Variants in CTNNA3 observed in about 807,000 individuals in gnomAD.
The protein encoded by CTNNA3 is catenin alpha 3.
A neutral mutation model predicts 95.7 loss-of-function variants in CTNNA3; 76 were observed. The observed-to-expected ratio is 0.79, with a 90% CI of 0.66 to 0.96. CTNNA3 has a LOEUF of 0.96. Among genes scored for constraint, CTNNA3 ranks in the 40% least tolerant of loss-of-function variants. The pLI, the probability that CTNNA3 is intolerant of heterozygous loss-of-function variation, is 0.00. For missense variants in CTNNA3, 1,191 were observed against 1,089.8 expected (o/e 1.09, Z -1.31); for synonymous variants, 431 against 374.4 (o/e 1.15, Z -1.74).
intron 13 of CTNNA3, among the ~76,000 whole-genome samples, chr10:66,257,376 T>C (rs1332464250): frequency 6.6e-6 from 1 of 152,222 alleles, no homozygotes; most frequent in Non-Finnish European, 1.5e-5. Context: ...GCCACTCCCT[T>C]GTAAAATGGA....
chr10:67,554,427 T>C (rs1369311972), intron 3 of CTNNA3, among the ~76,000 whole-genome samples: 3 of 152,234 alleles, frequency 2.0e-5, no homozygotes, highest in Non-Finnish European at 4.4e-5. Flanking sequence ...TGTTGTTTCC[T>C]GACTTTCTAA....
chr10:67,492,245 G>GA (rs371269416), intron 5 of CTNNA3, among the ~76,000 whole-genome samples: 37 of 148,836 alleles, frequency 2.5e-4, no homozygotes, highest in African/African-American at 8.1e-4. Context: ...AAAATTGGGA[G>GA]AAAAAAAAAG....
intron 7 of CTNNA3, among the ~76,000 whole-genome samples, chr10:67,004,087 T>C (rs1851833626): frequency 6.6e-6 from 1 of 151,550 alleles, no homozygotes; most frequent in Non-Finnish European, 1.5e-5. Flanking sequence ...TGCATTTTGA[T>C]GTTAAAAAAA....
intron 7 of CTNNA3, among the ~76,000 whole-genome samples, chr10:66,891,931 G>T (rs892258318): frequency 6.6e-6 from 1 of 151,978 alleles, no homozygotes; most frequent in African/African-American, 2.4e-5. Context: ...CACTAGACTG[G>T]ATATCTAGAA....
At chr10:65,955,201 C>CT (rs2077703632) in intron 17 of CTNNA3, among the ~76,000 whole-genome samples, 1 of 151,922 alleles carries the variant, frequency 6.6e-6, no homozygotes, top group Admixed American at 6.6e-5. Context: ...CTGTTATTGG[C>CT]GTATAGGAAT....
rs1564756387 is a variant in CTNNA3, at chr10:66,199,797, ATATATATATTTTTT to A, written c.1884+80659_1884+80672del. On this transcript the variant is annotated intron_variant, in intron 13 of 17. Coordinates refer to ENST00000433211, the MANE Select transcript of CTNNA3 (RefSeq NM_013266.4). ...TATATATATATATATATATATATAT[ATATATATATTTTTT>A]TTTTTTTTTTTTTTTTTTTTTTAGT... 1.8e-3 allele frequency among the ~76,000 whole-genome samples: 30 copies of A among 16,402 alleles called. 1 individual carries two copies. The highest frequency in any genetic ancestry group is 5.1e-3 in the African/African-American group (30 of 5,874). The allele number at this position is 16,402 out of a possible 152,430, so 10.8% of individuals were successfully genotyped here.
At chr10:67,442,077 G>A (rs886719368) in intron 5 of CTNNA3, among the ~76,000 whole-genome samples, 2 of 152,132 alleles carry the variant, frequency 1.3e-5, no homozygotes, top group Non-Finnish European at 2.9e-5. Flanking sequence ...GCAGGGAGAT[G>A]AAGTTAAAGT....
intron 7 of CTNNA3, among the ~76,000 whole-genome samples, chr10:67,114,709 G>GGTGTGTGTGTGTGTGTGTGT (rs56772381): frequency 0.026 from 3,832 of 144,720 alleles, 82 homozygotes; most frequent in African/African-American, 0.05. Context: ...GGTTCTTAAA[G>GGTGTGTGTGTGTGTGTGTGT]GTGTGTGTGT....
chr10:67,344,283 T>G (rs1358315497), intron 5 of CTNNA3, among the ~76,000 whole-genome samples: 1 of 152,120 alleles, frequency 6.6e-6, no homozygotes, highest in African/African-American at 2.4e-5. Context: ...ATCAGAGATA[T>G]TGGCCTGTAG....
intron 5 of CTNNA3, among the ~76,000 whole-genome samples, chr10:67,310,107 A>T (rs1216488568): frequency 1.3e-5 from 2 of 152,210 alleles, no homozygotes; most frequent in Non-Finnish European, 2.9e-5. Flanking sequence ...GGGTTAAATA[A>T]GTAGGTGGAG....
intron 13 of CTNNA3, among the ~76,000 whole-genome samples, chr10:66,127,768 C>T (rs548253839): frequency 7.2e-5 from 11 of 152,112 alleles, no homozygotes; most frequent in African/African-American, 2.2e-4. Context: ...CATATGGGAA[C>T]GCTATGTTCT....
At chr10:67,104,848 A>C (rs547439736) in intron 7 of CTNNA3, among the ~76,000 whole-genome samples, 6 of 152,180 alleles carry the variant, frequency 3.9e-5, no homozygotes, top group East Asian at 1.9e-4. Context: ...CTAGGCTATA[A>C]ATTTAAAACA....
At chr10:66,403,890 A>G (rs2093038184) in intron 11 of CTNNA3, among the ~76,000 whole-genome samples, 1 of 152,160 alleles carries the variant, frequency 6.6e-6, no homozygotes, top group Non-Finnish European at 1.5e-5. Context: ...AACAAAAATG[A>G]TAATATTCCT....
chr10:66,772,854 A>G (rs1225885218), intron 8 of CTNNA3, among the ~76,000 whole-genome samples: 1 of 152,216 alleles, frequency 6.6e-6, no homozygotes, highest in Admixed American at 6.5e-5. Flanking sequence ...ATGGGCAGGA[A>G]GATGGGCTCT....
intron 3 of CTNNA3, among the ~76,000 whole-genome samples, chr10:67,547,761 A>G (rs1176012297): frequency 6.6e-6 from 1 of 152,232 alleles, no homozygotes; most frequent in Non-Finnish European, 1.5e-5. Context: ...GAACCATTAC[A>G]AAAGTAAATA....
intron 5 of CTNNA3, among the ~76,000 whole-genome samples, chr10:67,451,135 C>T (rs1846964802): frequency 6.6e-6 from 1 of 151,966 alleles, no homozygotes; most frequent in South Asian, 2.1e-4. Flanking sequence ...ATAAGTTTGG[C>T]CCCCACTTTC....
At chr10:67,020,160 T>A (rs1852913703) in intron 7 of CTNNA3, among the ~76,000 whole-genome samples, 2 of 152,194 alleles carry the variant, frequency 1.3e-5, no homozygotes, top group South Asian at 4.1e-4. Flanking sequence ...GTATTTTTTA[T>A]AATCATAGCT....
intron 5 of CTNNA3, among the ~76,000 whole-genome samples, chr10:67,352,362 A>G (rs906083456): frequency 2.0e-5 from 3 of 151,990 alleles, no homozygotes; most frequent in African/African-American, 7.2e-5. Flanking sequence ...TGAGCAAGGC[A>G]TACCTGTGCT....
At chr10:66,382,359 G>A (rs1366550795) in intron 11 of CTNNA3, among the ~76,000 whole-genome samples, 3 of 152,152 alleles carry the variant, frequency 2.0e-5, no homozygotes, top group African/African-American at 7.2e-5. Context: ...GATCTGCGAG[G>A]CGGCAGCCTG....
Sources: allele counts gnomAD v4.1 joint callset (sites outside exome capture counted in the v4.1 genomes callset), GRCh38; gene constraint gnomAD v4.1.1; transcripts MANE v1.5; gene names NCBI Gene and HGNC (gene_info 2026-07-23, HGNC 2026-07-21).